The following PHF3 variants were observed in gnomAD, a reference collection of about 807,000 sequenced individuals.
PHF3 encodes the protein PHD finger protein 3.
In PHF3, 41 loss-of-function variants were observed where a neutral mutation model predicts 178.4. The observed-to-expected ratio is 0.23, with a 90% CI of 0.18 to 0.30. PHF3 has a LOEUF of 0.30. PHF3 is among the 10% of genes least tolerant of loss of function. PHF3 has a pLI of 1.00. For synonymous variants in PHF3, 842 were observed against 800.5 expected (o/e 1.05, Z -0.88); for missense variants, 2,346 against 2,398.1 (o/e 0.98, Z 0.45).
intron 1 of PHF3, among the ~76,000 whole-genome samples, chr6:63,638,060 C>T (rs754004653): frequency 6.6e-6 from 1 of 152,038 alleles, no homozygotes; most frequent in Non-Finnish European, 1.5e-5. Context: ...GAAAAGTCAC[C>T]TCTGAGAAGT....
Position 63,713,902 on chromosome 6 carries a change from G to T in PHF3, c.*194G>T, listed in dbSNP as rs554423807. The T allele has an allele frequency of 2.3e-6, 1 of 426,944 alleles. No individual in the cohort carries two copies. Among genetic ancestry groups the T allele is most frequent in the East Asian group, 3.5e-5 (1 of 28,282 alleles). The allele number at this position is 426,944 out of a possible 1,614,324, so 26.4% of individuals were successfully genotyped here. A position where few individuals can be genotyped will look rare whatever the true frequency, so the allele number is the denominator to read the frequency against. ...CTCATCATCCCTTCTTCATACCAACGGTCCCTAGTTATAGGAATTTAATAT... is the reference window on the plus strand; with the variant it reads ...CTCATCATCCCTTCTTCATACCAACTGTCCCTAGTTATAGGAATTTAATAT... On this transcript the variant is annotated 3_prime_UTR_variant, in exon 16 of 16. Transcript: ENST00000262043.
intron 1 of PHF3, among the ~76,000 whole-genome samples, chr6:63,645,875 G>T (rs1195845434): frequency 6.6e-6 from 1 of 151,848 alleles, no homozygotes; most frequent in East Asian, 1.9e-4. Flanking sequence ...ATCCTATAAG[G>T]GGGCCTTGAA....
At chr6:63,696,849 G>A (rs1034048837) in intron 6 of PHF3, among the ~76,000 whole-genome samples, 6 of 152,104 alleles carry the variant, frequency 3.9e-5, no homozygotes, top group African/African-American at 7.2e-5. Context: ...GAATGGTTTC[G>A]GTGGAGCAGT....
intron 2 of PHF3, among the ~76,000 whole-genome samples, chr6:63,655,493 A>G (rs1374615990): frequency 6.6e-6 from 1 of 152,150 alleles, no homozygotes; most frequent in Non-Finnish European, 1.5e-5. Flanking sequence ...GATTATAGGC[A>G]TGTGCCACTG....
At chr6:63,677,436 A>G (rs1015893039) in intron 2 of PHF3, among the ~76,000 whole-genome samples, 2 of 152,138 alleles carry the variant, frequency 1.3e-5, no homozygotes, top group Non-Finnish European at 2.9e-5. Context: ...AAAAAAAAGG[A>G]GATTCAGAAA....
In PHF3 at chr6:63,661,351, G is replaced by A. The variant is rs186590807; in HGVS notation, c.244+14556G>A. Among the ~76,000 whole-genome samples, 4 of 152,272 alleles carry A rather than the reference G, an allele frequency of 2.6e-5. No individual in the cohort carries two copies. In the East Asian group the frequency reaches 7.7e-4, roughly 29 times the overall value. On this transcript the variant is annotated intron_variant, in intron 2 of 15. Transcript: ENST00000262043. ...TAGAAGTTAAGAAAATAAAATGTTTGATGCAGGTGGGGTACAACTTTGCCT... is the reference window on the plus strand; with the variant it reads ...TAGAAGTTAAGAAAATAAAATGTTTAATGCAGGTGGGGTACAACTTTGCCT...
At chr6:63,679,536 G>T in intron 2 of PHF3, 1 of 157,564 alleles carries the variant, frequency 6.3e-6, no homozygotes. Flanking sequence ...TGCATTGCTT[G>T]CTTTCATACA....
intron 14 of PHF3, 39 bp downstream of exon 14, chr6:63,709,279 T>A: frequency 7.7e-7 from 1 of 1,296,662 alleles, no homozygotes; most frequent in Non-Finnish European, 1.1e-6. Flanking sequence ...CATGGGAAAA[T>A]GTTTAGAAAG....
Position 63,684,644 on chromosome 6 carries a change from G to A in PHF3, c.922G>A (p.Val308Ile). 1 of 1,613,862 alleles carries A rather than the reference G, an allele frequency of 6.2e-7. No individual in the cohort carries two copies. Among genetic ancestry groups the A allele is most frequent in the African/African-American group, 1.3e-5 (1 of 75,042 alleles). The change falls in exon 4 of 16, where the codon GTT becomes ATT. Residue 308 changes from valine (V) to isoleucine (I), a missense_variant. By Grantham distance (29) the Val-to-Ile change is conservative. Transcript: ENST00000262043. ...DSISGKTGET[V>I]VEEMIATRKV... is the part of the protein sequence containing the mutation. ...CATTTCAGGTAAAACGGGTGAGACT[G>A]TTGTTGAAGAAATGATAGCAACAAG...
At position 63,713,402 on chromosome 6, in the gene PHF3, A is replaced by G. The variant is rs768549376; in HGVS notation, c.5814A>G (p.Glu1938=). 23 of 1,613,952 alleles carry G rather than the reference A, an allele frequency of 1.4e-5. No homozygotes were observed. Among genetic ancestry groups the G allele is most frequent in the Non-Finnish European group, 1.9e-5 (23 of 1,179,988 alleles). Residue 1938 remains glutamate, a synonymous_variant, in exon 16 of 16, where the codon GAA becomes GAG. Coordinates refer to ENST00000262043, the MANE Select transcript of PHF3 (RefSeq NM_001370348.2). ...TGAAAAGAGAGCGACATGAAAAGGA[A>G]TGGGAGCAAGAATCTGAAAGGCATA... ...HHLKRERHEK[E]WEQESERHRR... is the part of the protein sequence containing the mutation.
At chr6:63,706,634 CT>C in intron 12 of PHF3, 94 bp from the exon 13 acceptor site, 1 of 1,189,076 alleles carries the variant, frequency 8.4e-7, no homozygotes, top group East Asian at 2.4e-5. Context: ...ATATTTTGGC[CT>C]TCTTCACATG....
Position 63,694,566 on chromosome 6 carries a change from G to A in PHF3, c.2497-15G>A. On this transcript the variant is annotated splice_polypyrimidine_tract_variant and intron_variant, in intron 5 of 15. Coordinates refer to ENST00000262043, the MANE Select transcript of PHF3 (RefSeq NM_001370348.2). ...AGTTATTTTCATTCTAATGAATTAA[G>A]TACTCATTTTCCAGGAGTCTGGTGA... 1 of 1,435,468 alleles carries A rather than the reference G, an allele frequency of 7.0e-7. No homozygotes were observed. The highest frequency in any genetic ancestry group is 9.2e-7 in the Non-Finnish European group (1 of 1,083,264). 88.9% of individuals were successfully genotyped at this position (1,435,468 alleles called of 1,614,324 possible). A position where few individuals can be genotyped will look rare whatever the true frequency, so the allele number is the denominator to read the frequency against.
intron 4 of PHF3, among the ~76,000 whole-genome samples, chr6:63,688,052 C>T (rs566432497): frequency 2.3e-4 from 35 of 151,350 alleles, no homozygotes; most frequent in South Asian, 6.3e-4. Flanking sequence ...GGCGTGCTGG[C>T]GGGCGCCTGT....
At chr6:63,638,983 T>C (rs1442217946) in intron 1 of PHF3, among the ~76,000 whole-genome samples, 1 of 152,122 alleles carries the variant, frequency 6.6e-6, no homozygotes, top group Non-Finnish European at 1.5e-5. Flanking sequence ...GATATTATAG[T>C]CTGGGAAACA....
In PHF3 at chr6:63,717,754, G is replaced by C. The variant is rs1768232974; in HGVS notation, c.*4046G>C. Among the ~76,000 whole-genome samples, 1 of 151,884 alleles carries C rather than the reference G, an allele frequency of 6.6e-6. No individual in the cohort carries two copies. Among genetic ancestry groups the C allele is most frequent in the Admixed American group, 6.6e-5 (1 of 15,212 alleles). On this transcript the variant is annotated 3_prime_UTR_variant, in exon 16 of 16. Transcript: ENST00000262043. ...ATTCAGTGTGTGCATGTCCATGTGT[G>C]TATATATACATATATGTTAGCCCAA...
chr6:63,706,174 T>C lies in PHF3; in HGVS notation c.3513T>C (p.Phe1171=), dbSNP rs1459502484. Reference sequence around the variant, plus strand: ...CAAATATTTTGGCTTCTGAATTCTTTGAGGAGGAGAAACAGGAGTCTCCAA... The same window carrying C: ...CAAATATTTTGGCTTCTGAATTCTTCGAGGAGGAGAAACAGGAGTCTCCAA... ...STSNILASEF[F]EEEKQESPKS... The change falls in exon 12 of 16, where the codon TTT becomes TTC. Residue 1171 remains phenylalanine, a synonymous_variant. Coordinates refer to ENST00000262043, the MANE Select transcript of PHF3 (RefSeq NM_001370348.2). 4 of 1,613,906 alleles carry C rather than the reference T, an allele frequency of 2.5e-6. No homozygotes were observed. The highest frequency in any genetic ancestry group is 3.4e-6 in the Non-Finnish European group (4 of 1,179,924).
rs1326336134 is a variant in PHF3, at chr6:63,718,356, T to C, written c.*4648T>C. Reference sequence around the variant, plus strand: ...TTTGTTTTCAAGACCCCTTACACTCTTAAAAATTGAGAATGTCAAAGCTTT... The same window carrying C: ...TTTGTTTTCAAGACCCCTTACACTCCTAAAAATTGAGAATGTCAAAGCTTT... On this transcript the variant is annotated 3_prime_UTR_variant, in exon 16 of 16. Coordinates refer to ENST00000262043, the MANE Select transcript of PHF3 (RefSeq NM_001370348.2). Among the ~76,000 whole-genome samples, 3 of 152,028 alleles carry C rather than the reference T, an allele frequency of 2.0e-5. No homozygotes were observed. Among genetic ancestry groups the C allele is most frequent in the African/African-American group, 7.2e-5 (3 of 41,446 alleles).
At chr6:63,707,191 A>G (rs919868784) in intron 13 of PHF3, among the ~76,000 whole-genome samples, 1 of 152,188 alleles carries the variant, frequency 6.6e-6, no homozygotes, top group Non-Finnish European at 1.5e-5. Flanking sequence ...TAAATAAAAG[A>G]TTTACATACT....
rs1767812676 is a variant in PHF3 at position 63,709,082 on chromosome 6, A to G, written c.3712-69A>G. 1.1e-5 allele frequency: 8 copies of G among 752,936 alleles called. No homozygotes were observed. In the South Asian group the frequency reaches 1.3e-4, roughly 12 times the overall value. The allele number at this position is 752,936 out of a possible 1,614,324, so 46.6% of individuals were successfully genotyped here. On this transcript the variant is annotated intron_variant, in intron 13 of 15. Transcript: ENST00000262043. ...AAATTAGTCTTAGAATCAAATTTGT[A>G]TGAATTACTAATGTCATAATAAAGA...
Sources: allele counts gnomAD v4.1 joint callset (sites outside exome capture counted in the v4.1 genomes callset), GRCh38; gene constraint gnomAD v4.1.1; transcripts MANE v1.5; gene names NCBI Gene and HGNC (gene_info 2026-07-23, HGNC 2026-07-21).